Variants in TAFA1 observed in about 807,000 individuals in gnomAD.
TAFA1 encodes chemokine-like protein TAFA-1.
TAFA1 carries 4 observed loss-of-function variants against 18.5 expected under a neutral mutation model. That is an observed-to-expected ratio of 0.22 (90% CI 0.11 to 0.49). The LOEUF (loss-of-function observed/expected upper bound fraction) is 0.49. Ranked by LOEUF, TAFA1 falls within the 20% of genes least tolerant of loss-of-function variation. The pLI is 0.98. For missense variants in TAFA1, 147 were observed against 169.0 expected (o/e 0.87, Z 0.72); for synonymous variants, 56 against 55.2 (o/e 1.01, Z -0.06).
chr3:68,026,986 C>T (rs753090073), intron 2 of TAFA1, among the ~76,000 whole-genome samples: 1 of 152,034 alleles, frequency 6.6e-6, no homozygotes, highest in Non-Finnish European at 1.5e-5. Context: ...GCAGGCATTT[C>T]ACATGGCTGG....
At chr3:68,054,401 C>T (rs911470502) in intron 2 of TAFA1, among the ~76,000 whole-genome samples, 11 of 152,176 alleles carry the variant, frequency 7.2e-5, no homozygotes, top group Admixed American at 5.2e-4. Context: ...TCCCCTTCAC[C>T]TTCTGTTGTG....
At chr3:68,090,378 GA>G (rs2065016479) in intron 2 of TAFA1, among the ~76,000 whole-genome samples, 1 of 152,088 alleles carries the variant, frequency 6.6e-6, no homozygotes. Context: ...TCATGACCAG[GA>G]CACTAACAAT....
chr3:68,001,003 ATAT>A (rs1452882488), upstream of TAFA1, among the ~76,000 whole-genome samples: 1 of 152,228 alleles, frequency 6.6e-6, no homozygotes, highest in South Asian at 2.1e-4. Flanking sequence ...CCAAAAAAAC[ATAT>A]TATTGTTTTT....
In TAFA1 at chr3:68,240,562, T is replaced by C. The variant is rs1229116611; in HGVS notation, c.119-176718T>C. Among the ~76,000 whole-genome samples the C allele has an allele frequency of 3.9e-5, 6 of 152,174 alleles. No homozygotes were observed. In the East Asian group the frequency reaches 1.2e-3, roughly 29 times the overall value. On this transcript the variant is annotated intron_variant, in intron 2 of 4. Coordinates refer to ENST00000478136, the MANE Select transcript of TAFA1 (RefSeq NM_213609.4). ...ACCATGCTCACCCTTGCATCGGGTT[T>C]ATATGACCTTTGACTATACAGTGAC...
At position 68,006,753 on chromosome 3, in the gene TAFA1, G is replaced by A. The variant is rs147505422; in HGVS notation, c.118+9G>A. 2.8e-4 allele frequency: 439 copies of A among 1,591,340 alleles called. 4 individuals are homozygous for A. In the African/African-American group the frequency reaches 5.2e-3, roughly 19 times the overall value. Reference sequence around the variant, plus strand: ...TCACCTGCACAGACCAGGTAAGTCAGGAGCTGGCTCCACTGCAGCCTCCTC... The same window carrying A: ...TCACCTGCACAGACCAGGTAAGTCAAGAGCTGGCTCCACTGCAGCCTCCTC... On this transcript the variant is annotated intron_variant, in intron 2 of 4. Coordinates refer to ENST00000478136, the MANE Select transcript of TAFA1 (RefSeq NM_213609.4).
At chr3:68,231,772 G>A (rs2066875190) in intron 2 of TAFA1, among the ~76,000 whole-genome samples, 1 of 152,164 alleles carries the variant, frequency 6.6e-6, no homozygotes, top group Non-Finnish European at 1.5e-5. Flanking sequence ...AGAGGGTGCA[G>A]CCAAGTCCAC....
At chr3:68,134,823 C>A (rs1487067159) in intron 2 of TAFA1, among the ~76,000 whole-genome samples, 1 of 152,156 alleles carries the variant, frequency 6.6e-6, no homozygotes, top group African/African-American at 2.4e-5. Context: ...TGAATCAGTT[C>A]CCTTTTCTTT....
intron 2 of TAFA1, among the ~76,000 whole-genome samples, chr3:68,010,542 A>G (rs919528887): frequency 2.0e-5 from 3 of 152,224 alleles, no homozygotes; most frequent in African/African-American, 7.2e-5. Context: ...GTACACAAAC[A>G]GAATGAGAAT....
intron 2 of TAFA1, among the ~76,000 whole-genome samples, chr3:68,170,817 G>A (rs1024782909): frequency 3.3e-5 from 5 of 151,820 alleles, no homozygotes; most frequent in Admixed American, 6.6e-5. Flanking sequence ...AGCCAGTTAA[G>A]CAGAGACATA....
At chr3:68,268,565 TGA>T in intron 2 of TAFA1, among the ~76,000 whole-genome samples, 1 of 151,994 alleles carries the variant, frequency 6.6e-6, no homozygotes, top group African/African-American at 2.4e-5. Context: ...GTGAAGGAAA[TGA>T]AAGGTGAAAG....
At chr3:68,030,589 T>A (rs1704912367) in intron 2 of TAFA1, among the ~76,000 whole-genome samples, 1 of 152,188 alleles carries the variant, frequency 6.6e-6, no homozygotes, top group Non-Finnish European at 1.5e-5. Flanking sequence ...GCAAAGGACA[T>A]GAACTCATCT....
chr3:68,229,784 G>T (rs1575693195), intron 2 of TAFA1, among the ~76,000 whole-genome samples: 1 of 152,242 alleles, frequency 6.6e-6, no homozygotes, highest in Middle Eastern at 3.4e-3. Flanking sequence ...TCGGATTCCA[G>T]TTTCTCTACT....
intron 2 of TAFA1, among the ~76,000 whole-genome samples, chr3:68,235,492 G>A (rs984251804): frequency 6.6e-6 from 1 of 152,144 alleles, no homozygotes; most frequent in Non-Finnish European, 1.5e-5. Flanking sequence ...ATTAAAAATT[G>A]CATTCCAGGT....
intron 2 of TAFA1, among the ~76,000 whole-genome samples, chr3:68,089,806 C>A (rs990034005): frequency 5.9e-5 from 9 of 152,126 alleles, no homozygotes; most frequent in Admixed American, 1.3e-4. Flanking sequence ...AATGTCTGGG[C>A]TAGGTCTTGT....
chr3:68,332,252 A>G (rs894929686), intron 2 of TAFA1, among the ~76,000 whole-genome samples: 4 of 152,144 alleles, frequency 2.6e-5, no homozygotes, highest in Non-Finnish European at 5.9e-5. Context: ...GGATCCATAC[A>G]TAGAAATCAA....
intron 2 of TAFA1, among the ~76,000 whole-genome samples, chr3:68,059,584 G>T (rs995513413): frequency 6.6e-6 from 1 of 152,148 alleles, no homozygotes; most frequent in African/African-American, 2.4e-5. Context: ...AGAGAGTGCA[G>T]ATGCAGGTAA....
intron 2 of TAFA1, among the ~76,000 whole-genome samples, chr3:68,389,291 A>G (rs1017240519): frequency 1.3e-5 from 2 of 152,222 alleles, no homozygotes; most frequent in African/African-American, 2.4e-5. Context: ...CAGAGGAAAC[A>G]CTGGCCATAC....
In TAFA1 at chr3:68,370,468, GTGTGTATATATATATATA is replaced by G. The variant is rs1462781108; in HGVS notation, c.119-46810_119-46793del. Reference sequence around the variant, plus strand: ...TATGTATATATATGTGTGTGTGTGTGTGTGTATATATATATATATATATATATATATATATATATATAT... The same window carrying G: ...TATGTATATATATGTGTGTGTGTGTGTATATATATATATATATATATATAT... On this transcript the variant is annotated intron_variant, in intron 2 of 4. Coordinates refer to ENST00000478136, the MANE Select transcript of TAFA1 (RefSeq NM_213609.4). Among the ~76,000 whole-genome samples the G allele has an allele frequency of 1.4e-3, 23 of 16,624 alleles. 1 individual carries two copies. The highest frequency in any genetic ancestry group is 1.8e-3 in the Non-Finnish European group (18 of 9,806). 10.9% of individuals were successfully genotyped at this position (16,624 alleles called of 152,430 possible).
At chr3:68,444,794 ATATATATATATATATAT>A (rs1559673044) in intron 3 of TAFA1, among the ~76,000 whole-genome samples, 58 of 144,434 alleles carry the variant, frequency 4.0e-4, no homozygotes, top group African/African-American at 1.4e-3. Flanking sequence ...ATATATATAT[ATATATATATATATATAT>A]AAAATAAATT....
Sources: allele counts gnomAD v4.1 joint callset (sites outside exome capture counted in the v4.1 genomes callset), GRCh38; gene constraint gnomAD v4.1.1; transcripts MANE v1.5; gene names NCBI Gene and HGNC (gene_info 2026-07-23, HGNC 2026-07-21).